MTMR1: variants seen among roughly 807,000 people sequenced by gnomAD.
MTMR1 encodes the protein phosphatidylinositol-3-phosphate phosphatase MTMR1.
Under a neutral mutation model 51.6 loss-of-function variants are expected in MTMR1, and 17 were observed. The observed-to-expected ratio is 0.33, with a 90% CI of 0.23 to 0.49. The LOEUF (loss-of-function observed/expected upper bound fraction) is 0.49, where lower values mean the gene tolerates loss of function less well. MTMR1 is among the 20% of genes least tolerant of loss of function. The probability of loss-of-function intolerance (pLI) is 0.99; values close to 1 mark genes in which losing one functional copy is unlikely to be tolerated. For synonymous variants in MTMR1, 201 were observed against 205.6 expected (o/e 0.98, Z 0.19); for missense variants, 386 against 526.9 (o/e 0.73, Z 2.62).
rs781990848 is a variant in MTMR1 at position 150,747,527 on chromosome X, T to C, written c.1566+3074T>C. Reference sequence around the variant, plus strand: ...CTATGTATTTTCGGAAATCGTACTTTTAGGTAAAAGGTACAGTTTCCAGGA... The same window carrying C: ...CTATGTATTTTCGGAAATCGTACTTCTAGGTAAAAGGTACAGTTTCCAGGA... On this transcript the variant is annotated intron_variant, in intron 13 of 15. Transcript: ENST00000445323. Among the ~76,000 whole-genome samples the C allele has an allele frequency of 4.5e-5, 5 of 111,852 alleles. No individual in the cohort carries two copies. The South Asian group carries it at 1.9e-3, about 42-fold the overall frequency.
chrX:150,724,379 G>A (rs1657864169), intron 4 of MTMR1, among the ~76,000 whole-genome samples: 1 of 110,789 alleles, frequency 9.0e-6, no homozygotes, highest in African/African-American at 3.3e-5. Context: ...TTGGCTGCAT[G>A]TATGTCTTCT....
At chrX:150,710,479 G>A (rs999190742) in intron 2 of MTMR1, among the ~76,000 whole-genome samples, 8 of 111,084 alleles carry the variant, frequency 7.2e-5, no homozygotes, top group African/African-American at 2.6e-4. Flanking sequence ...TCCTGCCTCA[G>A]CCTCCCAAGT....
At chrX:150,752,500 A>C (rs2042773973) in intron 14 of MTMR1, among the ~76,000 whole-genome samples, 1 of 111,875 alleles carries the variant, frequency 8.9e-6, no homozygotes, top group South Asian at 3.8e-4. Context: ...AATAAAAAGA[A>C]AAACATTTTT....
intron 3 of MTMR1, 90 bp from the exon 4 acceptor site, chrX:150,718,535 A>C: frequency 1.9e-6 from 2 of 1,064,132 alleles, no homozygotes; most frequent in Non-Finnish European, 2.4e-6. Flanking sequence ...CAGAACACCG[A>C]AATTCTTCAC....
At chrX:150,712,902 C>T in intron 3 of MTMR1, 5 of 887,533 alleles carry the variant, frequency 5.6e-6, no homozygotes, top group Non-Finnish European at 7.1e-6. Context: ...TAGTGGGTTA[C>T]AGCTTATATT....
chrX:150,716,870 T>TAAA (rs2041535228), intron 3 of MTMR1, among the ~76,000 whole-genome samples: 2 of 112,493 alleles, frequency 1.8e-5, no homozygotes, highest in Non-Finnish European at 3.8e-5. Flanking sequence ...AGACATCCAT[T>TAAA]TAAAAATATT....
intron 15 of MTMR1, among the ~76,000 whole-genome samples, chrX:150,758,602 C>T (rs1417808685): frequency 8.1e-5 from 9 of 111,515 alleles, no homozygotes; most frequent in African/African-American, 2.9e-4. Context: ...ACCAGCCTGA[C>T]CAACATGGCA....
rs1456890060 is a variant in MTMR1, at chrX:150,764,239, GAA to G, written c.*1512_*1513del. 1.8e-5 allele frequency: 2 copies of G among 112,456 alleles called. No homozygotes were observed. The highest frequency in any genetic ancestry group is 3.8e-5 in the Non-Finnish European group (2 of 53,315). The allele number at this position is 112,456 out of a possible 1,213,427, so 9.3% of individuals were successfully genotyped here. A position where few individuals can be genotyped will look rare whatever the true frequency, so the allele number is the denominator to read the frequency against. ...TGTTAAGGGTTTTTTCGTAGAGAGA[GAA>G]AGAATGGATTTTTTTTTAACTGGGA... is the stretch of plus-strand genomic sequence containing the variant. On this transcript the variant is annotated 3_prime_UTR_variant, in exon 16 of 16. Coordinates refer to ENST00000445323, the MANE Select transcript of MTMR1 (RefSeq NM_001306144.3).
intron 2 of MTMR1, among the ~76,000 whole-genome samples, chrX:150,702,029 A>C (rs1359785852): frequency 9.3e-6 from 1 of 107,982 alleles, no homozygotes; most frequent in Non-Finnish European, 1.9e-5. Context: ...TCCCACCCCC[A>C]TTCCCATCCA....
At chrX:150,739,270 G>T (rs975308046) in intron 12 of MTMR1, among the ~76,000 whole-genome samples, 1 of 112,694 alleles carries the variant, frequency 8.9e-6, no homozygotes, top group South Asian at 3.6e-4. Context: ...CTGAAATGGG[G>T]GCATTGTGTG....
intron 2 of MTMR1, among the ~76,000 whole-genome samples, chrX:150,711,463 T>G (rs1212205528): frequency 8.9e-6 from 1 of 112,495 alleles, no homozygotes; most frequent in Non-Finnish European, 1.9e-5. Flanking sequence ...TTTCAGACTT[T>G]GAAATGGGGA....
chrX:150,736,948 T>C (rs1483671976), intron 11 of MTMR1, among the ~76,000 whole-genome samples, 168 bp downstream of exon 11: 1 of 112,162 alleles, frequency 8.9e-6, no homozygotes, highest in African/African-American at 3.2e-5. Context: ...TTTTGTGACA[T>C]AGTGAAAAGG....
At chrX:150,758,668 A>G (rs1043114375) in intron 15 of MTMR1, among the ~76,000 whole-genome samples, 3 of 110,193 alleles carry the variant, frequency 2.7e-5, no homozygotes, top group Non-Finnish European at 5.7e-5. Context: ...GTGCACGCCT[A>G]TAATCCCAGC....
At chrX:150,716,437 G>A (rs1249739462) in intron 3 of MTMR1, among the ~76,000 whole-genome samples, 1 of 112,587 alleles carries the variant, frequency 8.9e-6, no homozygotes, top group Non-Finnish European at 1.9e-5. Flanking sequence ...AAACAGATGT[G>A]AGTATAAAAA....
intron 2 of MTMR1, among the ~76,000 whole-genome samples, chrX:150,709,775 T>C (rs782098888): frequency 9.0e-6 from 1 of 111,066 alleles, no homozygotes; most frequent in Non-Finnish European, 1.9e-5. Flanking sequence ...ATTAATTCAC[T>C]AGCTCAAAGA....
At chrX:150,722,365 C>A (rs1557416604) in intron 4 of MTMR1, among the ~76,000 whole-genome samples, 1 of 111,806 alleles carries the variant, frequency 8.9e-6, no homozygotes, top group Non-Finnish European at 1.9e-5. Context: ...TTTCTCCTTG[C>A]AGTTCTATTA....
intron 3 of MTMR1, 26 bp from the exon 4 acceptor site, chrX:150,718,599 T>C (rs1557416484): frequency 1.2e-6 from 1 of 853,093 alleles, no homozygotes. Flanking sequence ...TTTTTTTTTT[T>C]TTTTTTTTTT....
chrX:150,762,847 T>C lies in MTMR1; in HGVS notation c.*118T>C, dbSNP rs2043187112. On this transcript the variant is annotated 3_prime_UTR_variant, in exon 16 of 16. Transcript: ENST00000445323. ...TTTTAGGATTAGGCCCAGGGACCAT[T>C]TGTGTGGCTAGGTGACAGCTCCCAC... The C allele has an allele frequency of 4.7e-6, 4 of 850,226 alleles. No homozygotes were observed. Among genetic ancestry groups the C allele is most frequent in the Non-Finnish European group, 1.5e-6 (1 of 645,554 alleles). The allele number at this position is 850,226 out of a possible 1,213,427, so 70.1% of individuals were successfully genotyped here. A position where few individuals can be genotyped will look rare whatever the true frequency, so the allele number is the denominator to read the frequency against.
rs1402098265 is a variant in MTMR1 at position 150,760,073 on chromosome X, G to C, written c.1858-2492G>C. 2.7e-5 allele frequency among the ~76,000 whole-genome samples: 3 copies of C among 109,453 alleles called. 1 individual carries two copies. The highest frequency in any genetic ancestry group is 9.8e-5 in the African/African-American group (3 of 30,716). On this transcript the variant is annotated intron_variant, in intron 15 of 15. Coordinates refer to ENST00000445323, the MANE Select transcript of MTMR1 (RefSeq NM_001306144.3). ...GTGCACTGTGCTCGGAGGGTAGTAG[G>C]TGTGTGGTCCTGCTTTTTGCATTCT...
Sources: gnomAD v4.1 joint callset for allele counts (sites outside exome capture counted in the v4.1 genomes callset) on GRCh38, gnomAD v4.1.1 for gene constraint, MANE v1.5 for transcripts, NCBI Gene and HGNC (gene_info 2026-07-23, HGNC 2026-07-21) for gene names.